The following INTS4 variants were observed in gnomAD, a reference collection of about 807,000 sequenced individuals.
INTS4 encodes the protein MSTP093.
Under a neutral mutation model 119.5 loss-of-function variants are expected in INTS4, and 70 were observed. That is an observed-to-expected ratio of 0.59 (90% CI 0.48 to 0.71). The LOEUF is 0.71. Ranked by LOEUF, INTS4 falls within the 30% of genes least tolerant of loss-of-function variation. The pLI is 0.00. For synonymous variants in INTS4, 316 were observed against 419.6 expected (o/e 0.75, Z 3.02); for missense variants, 867 against 1,173.2 (o/e 0.74, Z 3.81).
intron 10 of INTS4, among the ~76,000 whole-genome samples, chr11:77,933,330 G>C (rs6592747): frequency 0.76 from 114,490 of 151,596 alleles, 43,911 homozygotes; most frequent in African/African-American, 0.89. Context: ...CTGCCTGATT[G>C]TCCTGCCTCA....
At chr11:77,988,102 T>C (rs955723485) in intron 2 of INTS4, among the ~76,000 whole-genome samples, 1 of 152,224 alleles carries the variant, frequency 6.6e-6, no homozygotes, top group African/African-American at 2.4e-5. Context: ...AGCCTGATTT[T>C]ATTCACGTAA....
At chr11:77,929,759 TAACTC>T (rs1198828817) in intron 10 of INTS4, among the ~76,000 whole-genome samples, 1 of 152,154 alleles carries the variant, frequency 6.6e-6, no homozygotes, top group Admixed American at 6.5e-5. Flanking sequence ...CTTGAATAAG[TAACTC>T]AACTTCCTGG....
chr11:77,879,668 T>C (rs1209546281), intron 22 of INTS4, among the ~76,000 whole-genome samples: 1 of 152,218 alleles, frequency 6.6e-6, no homozygotes, highest in East Asian at 1.9e-4. Context: ...ATTCTTTCAT[T>C]ACATTATCTT....
intron 8 of INTS4, among the ~76,000 whole-genome samples, chr11:77,946,127 T>A (rs1954042132): frequency 6.6e-6 from 1 of 152,196 alleles, no homozygotes; most frequent in Non-Finnish European, 1.5e-5. Flanking sequence ...TGGCCAGAAA[T>A]CAGCTCAGTA....
intron 21 of INTS4, 51 bp downstream of exon 21, chr11:77,891,268 T>G: frequency 6.3e-7 from 1 of 1,579,092 alleles, no homozygotes; most frequent in Non-Finnish European, 8.6e-7. Context: ...CATTAAATAC[T>G]TCAACACAAT....
chr11:77,898,217 G>A (rs1952615192), intron 18 of INTS4, among the ~76,000 whole-genome samples: 1 of 152,188 alleles, frequency 6.6e-6, no homozygotes, highest in Non-Finnish European at 1.5e-5. Context: ...AGGCTGGAGT[G>A]CAGTGGTGCG....
chr11:77,957,388 A>G (rs1400192360), intron 7 of INTS4, among the ~76,000 whole-genome samples: 3 of 151,898 alleles, frequency 2.0e-5, no homozygotes, highest in Non-Finnish European at 4.4e-5. Context: ...ATCTCTACTA[A>G]AAGTACAAAA....
downstream of INTS4, among the ~76,000 whole-genome samples, chr11:77,877,218 G>T (rs1951623559): frequency 6.6e-6 from 1 of 151,694 alleles, no homozygotes; most frequent in Non-Finnish European, 1.5e-5. Context: ...AACTTCAGCT[G>T]CCTTGTTTAT....
Position 77,961,143 on chromosome 11 carries a change from T to TAAAAAAAAAAAAAAAA in INTS4, c.472-21_472-6dup, listed in dbSNP as rs11370501. On this transcript the variant is annotated splice_region_variant and splice_polypyrimidine_tract_variant and intron_variant, in intron 4 of 22. Transcript: ENST00000534064. Reference sequence around the variant, plus strand: ...ATGAGACGTATCTGTCAGATGCTATTAAAAAAAAAAAAAAAAAGAAAAAAA... The same window carrying TAAAAAAAAAAAAAAAA: ...ATGAGACGTATCTGTCAGATGCTATTAAAAAAAAAAAAAAAAAAAAAAAAAAAAAAAAAGAAAAAAA... 38 of 1,216,538 alleles carry TAAAAAAAAAAAAAAAA rather than the reference T, an allele frequency of 3.1e-5. No homozygotes were observed. Among genetic ancestry groups the TAAAAAAAAAAAAAAAA allele is most frequent in the African/African-American group, 1.3e-4 (7 of 54,116 alleles). 75.4% of individuals were successfully genotyped at this position (1,216,538 alleles called of 1,614,324 possible).
At chr11:77,973,585 G>A (rs1855819343) in intron 4 of INTS4, among the ~76,000 whole-genome samples, 1 of 151,918 alleles carries the variant, frequency 6.6e-6, no homozygotes, top group African/African-American at 2.4e-5. Flanking sequence ...ACAAGGGTCA[G>A]GAAGTTCCAT....
In INTS4 at chr11:77,960,783, A is replaced by C. The variant is rs889492080; in HGVS notation, c.657+170T>G. Among the ~76,000 whole-genome samples the C allele has an allele frequency of 1.9e-4, 29 of 152,212 alleles. 1 individual carries two copies. The highest frequency in any genetic ancestry group is 7.3e-5 in the Non-Finnish European group (5 of 68,030). ...GAAAGCTACCAGAGAAAGCCAAAAA[A>C]GCACACTTGTATACAGGAATGTGTG... On this transcript the variant is annotated intron_variant, in intron 5 of 22. Coordinates refer to ENST00000534064, the MANE Select transcript of INTS4 (RefSeq NM_033547.4).
At chr11:77,932,678 T>C (rs1953681336) in intron 10 of INTS4, among the ~76,000 whole-genome samples, 1 of 152,086 alleles carries the variant, frequency 6.6e-6, no homozygotes. Flanking sequence ...TGCAGCACTA[T>C]TCACAAGTAA....
At chr11:77,876,669 A>G (rs1951603287), downstream of INTS4, among the ~76,000 whole-genome samples, 1 of 152,184 alleles carries the variant, frequency 6.6e-6, no homozygotes, top group Non-Finnish European at 1.5e-5. Context: ...TTCTGATACC[A>G]AGCCAAAACC....
At chr11:77,901,283 T>C in intron 18 of INTS4, 138 bp downstream of exon 18, 1 of 895,256 alleles carries the variant, frequency 1.1e-6, no homozygotes, top group Admixed American at 2.1e-5. Flanking sequence ...CTGAAAAAAA[T>C]GAATAGATCA....
At chr11:77,923,037 C>T (rs1413985907) in intron 12 of INTS4, among the ~76,000 whole-genome samples, 2 of 152,028 alleles carry the variant, frequency 1.3e-5, no homozygotes, top group African/African-American at 2.4e-5. Flanking sequence ...AGAAGAAAGC[C>T]GGCCGGGTGT....
intron 21 of INTS4, among the ~76,000 whole-genome samples, chr11:77,888,171 C>G (rs1226981599): frequency 6.6e-6 from 1 of 152,218 alleles, no homozygotes. Flanking sequence ...TGACTTCAAA[C>G]TATACTACAA....
intron 9 of INTS4, among the ~76,000 whole-genome samples, chr11:77,940,197 G>A (rs1953896445): frequency 6.6e-6 from 1 of 152,148 alleles, no homozygotes; most frequent in Non-Finnish European, 1.5e-5. Flanking sequence ...GGGAGGCAGA[G>A]GCAAGAAGAT....
chr11:77,982,663 T>C (rs1440664921), intron 2 of INTS4, among the ~76,000 whole-genome samples: 1 of 152,208 alleles, frequency 6.6e-6, no homozygotes, highest in Non-Finnish European at 1.5e-5. Flanking sequence ...TCTTGTTCAC[T>C]GCCATATCTC....
chr11:77,879,204 T>C, intron 22 of INTS4, 77 bp from the exon 23 acceptor site: 1 of 1,510,382 alleles, frequency 6.6e-7, no homozygotes, highest in Admixed American at 1.9e-5. Context: ...GTTAAAGAAA[T>C]ATCAAAATGG....
Sources: gnomAD v4.1 joint callset for allele counts (sites outside exome capture counted in the v4.1 genomes callset) on GRCh38, gnomAD v4.1.1 for gene constraint, MANE v1.5 for transcripts, NCBI Gene and HGNC (gene_info 2026-07-23, HGNC 2026-07-21) for gene names.